The following CACNA1C variants were observed in gnomAD, a reference collection of about 807,000 sequenced individuals.
CACNA1C encodes calcium voltage-gated channel subunit alpha1 C, also known as voltage-dependent L-type calcium channel subunit alpha-1C.
A neutral mutation model predicts 229.0 loss-of-function variants in CACNA1C; 30 were observed. That is an observed-to-expected ratio of 0.13 (90% CI 0.10 to 0.18). The LOEUF (loss-of-function observed/expected upper bound fraction) is 0.18, where lower values mean the gene tolerates loss of function less well. Ranked by LOEUF, CACNA1C falls within the 10% of genes least tolerant of loss-of-function variation. The pLI, the probability that CACNA1C is intolerant of heterozygous loss-of-function variation, is 1.00. For missense variants in CACNA1C, 1,658 were observed against 2,845.0 expected, an observed-to-expected ratio of 0.58 and a Z score of 9.49; for synonymous variants, 1,114 against 1,132.5, an observed-to-expected ratio of 0.98 and a Z score of 0.33.
At chr12:2,157,418 G>A (rs572592951) in intron 3 of CACNA1C, among the ~76,000 whole-genome samples, 13 of 152,312 alleles carry the variant, frequency 8.5e-5, no homozygotes, top group African/African-American at 2.6e-4. Flanking sequence ...CTGCATGGGG[G>A]CACCACTGGC....
intron 3 of CACNA1C, among the ~76,000 whole-genome samples, chr12:2,359,384 G>T (rs1287991175): frequency 6.6e-6 from 1 of 152,122 alleles, no homozygotes; most frequent in Non-Finnish European, 1.5e-5. Flanking sequence ...AAACTTTTGG[G>T]GTGTGTTACC....
rs186414198 is a variant in CACNA1C, at chr12:1,998,617, G to C, written c.139+27416G>C. Among the ~76,000 whole-genome samples, 361 of 152,306 alleles carry C rather than the reference G, an allele frequency of 2.4e-3. 3 individuals carry two copies. Among genetic ancestry groups the C allele is most frequent in the African/African-American group, 8.1e-3 (337 of 41,568 alleles). ...GTTAGGACTCAAGAAATCTGCCTGA[G>C]AAAATCTGGGAGAGGTGGTAAAGTT... On this transcript the variant is annotated intron_variant, in intron 1 of 46. Coordinates refer to the CACNA1C transcript ENST00000682462.
chr12:2,300,650 G>C (rs2094480519), intron 3 of CACNA1C, among the ~76,000 whole-genome samples: 1 of 152,082 alleles, frequency 6.6e-6, no homozygotes, highest in Admixed American at 6.6e-5. Context: ...TACATGAAAA[G>C]GACTGGATTC....
At chr12:2,682,210 A>T (rs551743135) in intron 42 of CACNA1C, among the ~76,000 whole-genome samples, 1 of 152,336 alleles carries the variant, frequency 6.6e-6, no homozygotes, top group Admixed American at 6.5e-5. Flanking sequence ...TAAGTTAGGC[A>T]GGGCATATGT....
intron 1 of CACNA1C, among the ~76,000 whole-genome samples, chr12:1,997,441 A>G (rs1193688444): frequency 6.6e-6 from 1 of 152,144 alleles, no homozygotes; most frequent in African/African-American, 2.4e-5. Context: ...AATCACTTGA[A>G]CTCAGGAGGC....
chr12:2,071,805 A>G (rs1434618514), intron 1 of CACNA1C, among the ~76,000 whole-genome samples: 3 of 152,048 alleles, frequency 2.0e-5, no homozygotes, highest in Non-Finnish European at 2.9e-5. Context: ...TACTTTTTCA[A>G]ATATTTTAGT....
At position 2,165,056 on chromosome 12, in the gene CACNA1C, A is replaced by G. The variant is rs370312391; in HGVS notation, c.477+44626A>G. On this transcript the variant is annotated intron_variant, in intron 3 of 46. Transcript: ENST00000399655. ...AAACCATTTTAGTTCTAATAAGAACACTAGCAGTACTAATTGTGCACATGA... is the reference window on the plus strand; with the variant it reads ...AAACCATTTTAGTTCTAATAAGAACGCTAGCAGTACTAATTGTGCACATGA... Among the ~76,000 whole-genome samples the G allele has an allele frequency of 3.3e-5, 5 of 152,242 alleles. No individual in the cohort carries two copies. The East Asian group carries it at 9.6e-4, about 29-fold the overall frequency.
rs572335096 is a variant in CACNA1C at position 2,504,282 on chromosome 12, C to T, written c.1114-560C>T. 1.8e-4 allele frequency among the ~76,000 whole-genome samples: 28 copies of T among 152,266 alleles called. No individual in the cohort carries two copies. Among genetic ancestry groups the T allele is most frequent in the South Asian group, 2.1e-4 (1 of 4,810 alleles). ...TCACAGGAGTTCCTTTGAACATGGGCGATGCCCTGGGTAACACGGGTAACC... is the reference window on the plus strand; with the variant it reads ...TCACAGGAGTTCCTTTGAACATGGGTGATGCCCTGGGTAACACGGGTAACC... On this transcript the variant is annotated intron_variant, in intron 7 of 46. Transcript: ENST00000399655. The surrounding 1 kb of genome is among the most constrained non-coding windows in gnomAD (Gnocchi z 6.8).
chr12:2,194,239 C>G (rs1348053489), intron 3 of CACNA1C, among the ~76,000 whole-genome samples: 3 of 125,268 alleles, frequency 2.4e-5, no homozygotes, highest in African/African-American at 1.0e-4. Flanking sequence ...TCCTTTTGTT[C>G]CTCCTCCACT....
intron 10 of CACNA1C, among the ~76,000 whole-genome samples, chr12:2,555,201 G>A (rs1003527182): frequency 1.1e-4 from 17 of 152,156 alleles, no homozygotes; most frequent in African/African-American, 4.1e-4. Flanking sequence ...CCTTGGAGAC[G>A]AACACTCAGG....
At chr12:2,198,445 A>G (rs2097484847) in intron 3 of CACNA1C, among the ~76,000 whole-genome samples, 1 of 152,146 alleles carries the variant, frequency 6.6e-6, no homozygotes, top group African/African-American at 2.4e-5. Flanking sequence ...CCGTTTAACA[A>G]TTAATTACAG....
At chr12:2,367,084 A>G (rs934101356) in intron 3 of CACNA1C, among the ~76,000 whole-genome samples, 2 of 152,190 alleles carry the variant, frequency 1.3e-5, no homozygotes, top group Non-Finnish European at 2.9e-5. Flanking sequence ...GAGCCAAACC[A>G]TATCACACCA....
intron 1 of CACNA1C, among the ~76,000 whole-genome samples, chr12:2,088,407 G>A (rs896939352): frequency 1.3e-5 from 2 of 152,186 alleles, no homozygotes; most frequent in Non-Finnish European, 2.9e-5. Flanking sequence ...GTTAGAGCAC[G>A]TACTTTGCTG....
chr12:2,353,781 A>G (rs992059262), intron 3 of CACNA1C, among the ~76,000 whole-genome samples: 1 of 152,192 alleles, frequency 6.6e-6, no homozygotes, highest in African/African-American at 2.4e-5. Flanking sequence ...TGAGATGGCC[A>G]GAGCCTGTTT....
chr12:2,011,840 T>G (rs1251057896), intron 1 of CACNA1C, among the ~76,000 whole-genome samples: 1 of 152,220 alleles, frequency 6.6e-6, no homozygotes, highest in Non-Finnish European at 1.5e-5. Flanking sequence ...CTTGCCATCC[T>G]GTAGGTGGCT....
Position 2,034,256 on chromosome 12 carries a change from A to G in CACNA1C, c.139+63055A>G, listed in dbSNP as rs1305871878. ...GGAAAGTTAAGATTTTGCCACATCC[A>G]AGTCCTTTTAGATCCAAGGCCGTGT... On this transcript the variant is annotated intron_variant, in intron 1 of 46. Coordinates refer to the CACNA1C transcript ENST00000682462. This position sits in a 1 kb window ranked among gnomAD's most constrained non-coding sequence, Gnocchi z 4.1. 6.6e-6 allele frequency among the ~76,000 whole-genome samples: 1 copy of G among 152,244 alleles called. No homozygotes were observed. The highest frequency in any genetic ancestry group is 2.4e-5 in the African/African-American group (1 of 41,462).
chr12:2,424,718 T>C (rs73042103), intron 3 of CACNA1C, among the ~76,000 whole-genome samples: 2,710 of 152,174 alleles, frequency 0.018, 22 homozygotes, highest in Admixed American at 0.026. Context: ...CCCAATTCCA[T>C]TGTGAAGTGG....
intron 18 of CACNA1C, among the ~76,000 whole-genome samples, chr12:2,590,682 C>T (rs1319845523): frequency 1.3e-5 from 2 of 152,038 alleles, no homozygotes; most frequent in Non-Finnish European, 2.9e-5. Context: ...GCTTCATAAA[C>T]GGGGGGGAGC....
At chr12:2,023,185 G>A (rs890267330) in intron 1 of CACNA1C, among the ~76,000 whole-genome samples, 11 of 152,162 alleles carry the variant, frequency 7.2e-5, no homozygotes, top group East Asian at 3.9e-4. Context: ...GTGGTGCATC[G>A]AGTGTTCTGT....
Sources: gnomAD v4.1 joint callset for allele counts (sites outside exome capture counted in the v4.1 genomes callset) on GRCh38, gnomAD v4.1.1 for gene constraint, Gnocchi (gnomAD v3.1) non-coding constraint, MANE v1.5 for transcripts, NCBI Gene and HGNC (gene_info 2026-07-23, HGNC 2026-07-21) for gene names.